SLC26A3: variants seen among roughly 807,000 people sequenced by gnomAD.
SLC26A3 encodes chloride anion exchanger.
Under a neutral mutation model 85.6 loss-of-function variants are expected in SLC26A3, and 64 were observed. The ratio of observed to expected loss-of-function variants is 0.75; its 90% confidence interval spans 0.61 to 0.92. The LOEUF (loss-of-function observed/expected upper bound fraction) is 0.92. Among genes scored for constraint, SLC26A3 ranks in the 40% least tolerant of loss-of-function variants. SLC26A3 has a pLI of 0.00. For synonymous variants in SLC26A3, 349 were observed against 336.0 expected (o/e 1.04, Z -0.42); for missense variants, 922 against 927.3 (o/e 0.99, Z 0.07).
chr7:107,798,699 G>C (rs1019640119), intron 1 of SLC26A3, among the ~76,000 whole-genome samples: 2 of 152,090 alleles, frequency 1.3e-5, no homozygotes, highest in Admixed American at 6.6e-5. Flanking sequence ...GCTCCTAGCA[G>C]CATCACCCCT....
In SLC26A3 at chr7:107,767,917, A is replaced by G. The variant is rs745802897; in HGVS notation, c.2063-9T>C. On this transcript the variant is annotated splice_polypyrimidine_tract_variant and intron_variant, in intron 18 of 20. Transcript: ENST00000340010. ...CTTCTCAATGAAGTCATCTGAAGAG[A>G]AAAAAACAGTAACTTTTAGGAAGAA... The G allele has an allele frequency of 9.3e-6, 15 of 1,612,570 alleles. No individual in the cohort carries two copies. The highest frequency in any genetic ancestry group is 5.1e-6 in the Non-Finnish European group (6 of 1,179,070).
chr7:107,778,494 C>T (rs967891847), intron 12 of SLC26A3, among the ~76,000 whole-genome samples: 1 of 150,778 alleles, frequency 6.6e-6, no homozygotes, highest in Non-Finnish European at 1.5e-5. Context: ...ACACTTTTCC[C>T]AAGAGGTCAT....
rs1320251469 is a variant in SLC26A3, at chr7:107,793,862, T to C, written c.151A>G (p.Lys51Glu). 2.5e-6 allele frequency: 4 copies of C among 1,614,090 alleles called. No homozygotes were observed. The highest frequency in any genetic ancestry group is 3.4e-6 in the Non-Finnish European group (4 of 1,179,976). ...VCCSCSPQKA[K>E]RIVLSLFPIA... is the part of the protein sequence containing the mutation. ...GGGAACAAAGAGAGGACAATTCTCT[T>C]GGCCTTTTGTGGGGAACAGCTGAAA... Residue 51 changes from lysine to glutamate, a missense_variant, in exon 3 of 21, where the codon AAG (lysine) becomes GAG (glutamate). By Grantham distance (56) the Lys-to-Glu change is moderately conservative (BLOSUM62 1). Coordinates refer to ENST00000340010, the MANE Select transcript of SLC26A3 (RefSeq NM_000111.3).
chr7:107,769,045 A>C (rs763503638), intron 18 of SLC26A3, among the ~76,000 whole-genome samples: 2 of 152,200 alleles, frequency 1.3e-5, no homozygotes, highest in Non-Finnish European at 2.9e-5. Flanking sequence ...ATGATGAGGA[A>C]AGGGTAAAAT....
At position 107,791,717 on chromosome 7, in the gene SLC26A3, A is replaced by G. The variant is rs559397367; in HGVS notation, c.382+113T>C. 8.2e-5 allele frequency: 61 copies of G among 742,470 alleles called. No individual in the cohort carries two copies. In the African/African-American group the frequency reaches 9.4e-4, roughly 11 times the overall value. 46.0% of individuals were successfully genotyped at this position (742,470 alleles called of 1,614,324 possible). On this transcript the variant is annotated intron_variant, in intron 4 of 20. Transcript: ENST00000340010. ...ACCCTGGTCCTAATTCTCACAGGAGACCATGACTCTTCTCCTGGATTATGT... is the reference window on the plus strand; with the variant it reads ...ACCCTGGTCCTAATTCTCACAGGAGGCCATGACTCTTCTCCTGGATTATGT...
At chr7:107,770,499 C>T (rs2115799273) in intron 18 of SLC26A3, among the ~76,000 whole-genome samples, 1 of 151,816 alleles carries the variant, frequency 6.6e-6, no homozygotes, top group East Asian at 1.9e-4. Flanking sequence ...CTTAAGTGAT[C>T]TGCCTGCCTC....
intron 12 of SLC26A3, 129 bp from the exon 13 acceptor site, chr7:107,778,410 A>G (rs1450922712): frequency 3.2e-6 from 2 of 632,102 alleles, no homozygotes; most frequent in Non-Finnish European, 5.3e-6. Flanking sequence ...CCTATAAAAA[A>G]AATTTAAAAA....
Position 107,794,590 on chromosome 7 carries a change from A to G in SLC26A3, c.-81T>C, listed in dbSNP as rs1794464632. On this transcript the variant is annotated 5_prime_UTR_variant, in exon 2 of 21. Coordinates refer to ENST00000340010, the MANE Select transcript of SLC26A3 (RefSeq NM_000111.3). ...CACTTCTTCTTGCCTTTAGCAGGTT[A>G]AAAATGCCTGAAACCAAACAGAGCT... 6.7e-7 allele frequency: 1 copy of G among 1,501,504 alleles called. No individual in the cohort carries two copies. The highest frequency in any genetic ancestry group is 9.3e-7 in the Non-Finnish European group (1 of 1,078,738). The allele number at this position is 1,501,504 out of a possible 1,614,324, so 93.0% of individuals were successfully genotyped here.
intron 11 of SLC26A3, among the ~76,000 whole-genome samples, chr7:107,780,853 TTAACATACTATAC>T (rs1794205295): frequency 6.6e-6 from 1 of 152,192 alleles, no homozygotes; most frequent in South Asian, 2.1e-4. Flanking sequence ...TGTAATCTAC[TTAACATACTATAC>T]TAATGTATAG....
rs529013965 is a variant in SLC26A3, at chr7:107,768,904, T to C, written c.2063-996A>G. Reference sequence around the variant, plus strand: ...AGAGGGAGAGGGAGCGTGGAGGGCATTGTGGCCACCAGGATCTGGGATGGA... The same window carrying C: ...AGAGGGAGAGGGAGCGTGGAGGGCACTGTGGCCACCAGGATCTGGGATGGA... On this transcript the variant is annotated intron_variant, in intron 18 of 20. Coordinates refer to ENST00000340010, the MANE Select transcript of SLC26A3 (RefSeq NM_000111.3). 2.0e-5 allele frequency among the ~76,000 whole-genome samples: 3 copies of C among 152,238 alleles called. No homozygotes were observed. In the South Asian group the frequency reaches 6.2e-4, roughly 32 times the overall value.
At chr7:107,770,140 CTTTCT>C (rs1263100261) in intron 18 of SLC26A3, among the ~76,000 whole-genome samples, 24 of 57,618 alleles carry the variant, frequency 4.2e-4, no homozygotes, top group African/African-American at 1.3e-3. Context: ...TTCTTTCTCT[CTTTCT>C]TTTCTTTCTT....
At chr7:107,781,424 T>C (rs564701518) in intron 11 of SLC26A3, among the ~76,000 whole-genome samples, 4 of 152,166 alleles carry the variant, frequency 2.6e-5, no homozygotes, top group Non-Finnish European at 5.9e-5. Flanking sequence ...AAAGGGGCTT[T>C]GATTAAATCT....
At chr7:107,770,021 T>TCTTTCTTTCTTTC (rs1302336219) in intron 18 of SLC26A3, among the ~76,000 whole-genome samples, 2 of 39,584 alleles carry the variant, frequency 5.1e-5, no homozygotes, top group African/African-American at 4.1e-4. Context: ...TTTCTTTCTT[T>TCTTTCTTTCTTTC]CTTTCTTTCT....
At chr7:107,791,001 C>G in intron 5 of SLC26A3, 47 bp downstream of exon 5, 2 of 1,590,816 alleles carry the variant, frequency 1.3e-6, no homozygotes, top group Non-Finnish European at 1.7e-6. Flanking sequence ...GTGTAACAGT[C>G]AAGATGAACA....
chr7:107,778,360 C>CTTTTTTTTTTTTTTTTTTTTTTTTT (rs10681903), intron 12 of SLC26A3, 79 bp from the exon 13 acceptor site: 1 of 372,404 alleles, frequency 2.7e-6, no homozygotes, highest in East Asian at 5.7e-5. Flanking sequence ...TTTAAAAAGA[C>CTTTTTTTTTTTTTTTTTTTTTTTTT]TTTTTTTTTT....
intron 1 of SLC26A3, among the ~76,000 whole-genome samples, chr7:107,798,547 A>G (rs1180078886): frequency 6.6e-6 from 1 of 152,120 alleles, no homozygotes; most frequent in Admixed American, 6.5e-5. Flanking sequence ...GGAAACAACT[A>G]ATTTGAACCA....
At chr7:107,782,910 C>T (rs1185224853) in intron 10 of SLC26A3, 36 bp from the exon 11 acceptor site, 20 of 1,613,700 alleles carry the variant, frequency 1.2e-5, no homozygotes, top group Non-Finnish European at 1.7e-5. Flanking sequence ...ACCAACTCAA[C>T]TTTTCCCCTG....
intron 3 of SLC26A3, among the ~76,000 whole-genome samples, chr7:107,792,898 A>C (rs1794427365): frequency 6.6e-6 from 1 of 152,234 alleles, no homozygotes; most frequent in South Asian, 2.1e-4. Flanking sequence ...CCACAACAAA[A>C]AGACAAATAA....
chr7:107,767,694 G>A, intron 19 of SLC26A3, 50 bp from the exon 20 acceptor site: 2 of 1,605,602 alleles, frequency 1.2e-6, no homozygotes, highest in Non-Finnish European at 1.7e-6. Context: ...TTTTTTTAAT[G>A]TTGAAAAAGA....
Sources: allele counts gnomAD v4.1 joint callset (sites outside exome capture counted in the v4.1 genomes callset), GRCh38; gene constraint gnomAD v4.1.1; transcripts MANE v1.5; gene names NCBI Gene and HGNC (gene_info 2026-07-23, HGNC 2026-07-21).